The following CNTN5 variants were observed in gnomAD, a reference collection of about 807,000 sequenced individuals.
CNTN5 encodes the protein contactin-5.
A neutral mutation model predicts 129.1 loss-of-function variants in CNTN5; 77 were observed. The ratio of observed to expected loss-of-function variants is 0.60; its 90% CI spans 0.50 to 0.72. The LOEUF (loss-of-function observed/expected upper bound fraction) is 0.72, where lower values mean the gene tolerates loss of function less well. CNTN5 is among the 30% of genes least tolerant of loss of function. CNTN5 has a pLI of 0.00. For missense variants in CNTN5, 1,478 were observed against 1,328.8 expected (o/e 1.11, Z -1.75); for synonymous variants, 509 against 465.6 (o/e 1.09, Z -1.20).
At position 99,043,738 on chromosome 11, in the gene CNTN5, AAATT is replaced by A. The variant is rs1185665223; in HGVS notation, c.-210+22471_-210+22474del. 2.6e-5 allele frequency among the ~76,000 whole-genome samples: 4 copies of A among 152,316 alleles called. No homozygotes were observed. The East Asian group carries it at 7.7e-4, about 29-fold the overall frequency. ...ACTCATACCACTCTGACACATAACA[AAATT>A]AAGACAGTCTCAGTTTAAAGACATA... On this transcript the variant is annotated intron_variant, in intron 1 of 24. Transcript: ENST00000524871.
At chr11:99,674,618 C>G (rs986471117) in intron 3 of CNTN5, among the ~76,000 whole-genome samples, 3 of 152,112 alleles carry the variant, frequency 2.0e-5, no homozygotes, top group Non-Finnish European at 4.4e-5. Flanking sequence ...TCTTGTCAGA[C>G]CCAAACGAAT....
intron 3 of CNTN5, among the ~76,000 whole-genome samples, chr11:99,687,079 T>C (rs946976798): frequency 1.3e-5 from 2 of 152,204 alleles, no homozygotes; most frequent in Admixed American, 6.5e-5. Flanking sequence ...ATTCAGGCTC[T>C]AGAATCCTCA....
intron 4 of CNTN5, among the ~76,000 whole-genome samples, chr11:99,831,607 A>G (rs1947142472): frequency 6.6e-6 from 1 of 151,002 alleles, no homozygotes; most frequent in Non-Finnish European, 1.5e-5. Flanking sequence ...ACTGCCAGTG[A>G]CCATAACTTT....
intron 23 of CNTN5, among the ~76,000 whole-genome samples, chr11:100,347,438 C>T (rs1159652658): frequency 6.6e-6 from 1 of 152,060 alleles, no homozygotes; most frequent in African/African-American, 2.4e-5. Flanking sequence ...AAGATAGGTA[C>T]ATGAGGTTCA....
intron 18 of CNTN5, among the ~76,000 whole-genome samples, chr11:100,283,362 C>A (rs551105259): frequency 7.2e-5 from 11 of 152,288 alleles, no homozygotes; most frequent in African/African-American, 2.6e-4. Flanking sequence ...GAAGGTATCT[C>A]TTATGGATCT....
intron 1 of CNTN5, among the ~76,000 whole-genome samples, chr11:99,172,428 T>C (rs562831053): frequency 2.6e-4 from 39 of 152,364 alleles, no homozygotes; most frequent in Admixed American, 6.5e-4. Context: ...AAAAAATGTA[T>C]TGCACCTTTT....
chr11:99,852,667 C>T (rs1947909467), intron 6 of CNTN5, among the ~76,000 whole-genome samples: 1 of 152,046 alleles, frequency 6.6e-6, no homozygotes. Context: ...TGACAGATGA[C>T]CTGCAACAAA....
chr11:99,699,623 A>C (rs916085000), intron 3 of CNTN5, among the ~76,000 whole-genome samples: 4 of 151,536 alleles, frequency 2.6e-5, no homozygotes, highest in African/African-American at 9.7e-5. Flanking sequence ...AGTGTATATA[A>C]ATCATCTATT....
chr11:100,015,469 A>G (rs996284627), intron 9 of CNTN5, among the ~76,000 whole-genome samples: 2 of 152,148 alleles, frequency 1.3e-5, no homozygotes, highest in Non-Finnish European at 2.9e-5. Context: ...GACTAATTAA[A>G]AATCTGGTGG....
intron 1 of CNTN5, among the ~76,000 whole-genome samples, chr11:99,289,517 A>G (rs939783626): frequency 1.3e-5 from 2 of 151,682 alleles, no homozygotes; most frequent in Non-Finnish European, 3.0e-5. Flanking sequence ...ACACTCAACT[A>G]AAATATGTGA....
chr11:99,898,054 C>A (rs1949254896), intron 6 of CNTN5, among the ~76,000 whole-genome samples: 1 of 152,066 alleles, frequency 6.6e-6, no homozygotes, highest in Non-Finnish European at 1.5e-5. Flanking sequence ...ACATACAAAA[C>A]CTCCTGAATA....
intron 7 of CNTN5, among the ~76,000 whole-genome samples, chr11:99,919,293 G>C (rs928628902): frequency 1.3e-5 from 2 of 152,070 alleles, no homozygotes; most frequent in African/African-American, 4.8e-5. Flanking sequence ...CCTACTTTAA[G>C]AAATTGTTTC....
At chr11:99,770,007 C>A (rs1944890888) in intron 3 of CNTN5, among the ~76,000 whole-genome samples, 1 of 152,038 alleles carries the variant, frequency 6.6e-6, no homozygotes, top group Non-Finnish European at 1.5e-5. Context: ...AAGGAAATCA[C>A]AATATCAGTA....
intron 6 of CNTN5, among the ~76,000 whole-genome samples, chr11:99,886,941 GA>G (rs1240312501): frequency 6.6e-6 from 1 of 152,102 alleles, no homozygotes; most frequent in African/African-American, 2.4e-5. Flanking sequence ...AATATTAGGA[GA>G]GGGGCAGGAG....
intron 3 of CNTN5, among the ~76,000 whole-genome samples, chr11:99,626,361 A>G (rs17133989): frequency 0.014 from 2,158 of 152,204 alleles, 60 homozygotes; most frequent in African/African-American, 0.048. Context: ...ATCACGGAAT[A>G]ATAGAAGGAC....
At chr11:99,978,181 TATAGA>T (rs1938113599) in intron 8 of CNTN5, among the ~76,000 whole-genome samples, 1 of 152,316 alleles carries the variant, frequency 6.6e-6, no homozygotes, top group African/African-American at 2.4e-5. Context: ...GAAAAAAGCT[TATAGA>T]ATAAAGATCT....
chr11:99,881,278 G>A (rs1296040800), intron 6 of CNTN5, among the ~76,000 whole-genome samples: 1 of 152,140 alleles, frequency 6.6e-6, no homozygotes, highest in Non-Finnish European at 1.5e-5. Context: ...CACAGGATAG[G>A]AAACAGTTTT....
chr11:99,215,690 G>A (rs956934475), intron 1 of CNTN5, among the ~76,000 whole-genome samples: 1 of 152,134 alleles, frequency 6.6e-6, no homozygotes, highest in Non-Finnish European at 1.5e-5. Context: ...ATCATGATCA[G>A]TACCTCAGAA....
intron 3 of CNTN5, among the ~76,000 whole-genome samples, chr11:99,641,947 G>A (rs1355404084): frequency 6.6e-6 from 1 of 152,124 alleles, no homozygotes; most frequent in African/African-American, 2.4e-5. Context: ...TGCCAGGACT[G>A]TACCCTAGCT....
Sources: gnomAD v4.1 joint callset for allele counts (sites outside exome capture counted in the v4.1 genomes callset) on GRCh38, gnomAD v4.1.1 for gene constraint, MANE v1.5 for transcripts, NCBI Gene and HGNC (gene_info 2026-07-23, HGNC 2026-07-21) for gene names.